Variants in CLSTN2 observed in about 807,000 individuals in gnomAD.
The protein encoded by CLSTN2 is calsyntenin-2.
A neutral mutation model predicts 101.2 loss-of-function variants in CLSTN2; 48 were observed. The observed-to-expected ratio is 0.47, with a 90% CI of 0.38 to 0.60. The LOEUF (loss-of-function observed/expected upper bound fraction) is 0.60. Ranked by LOEUF, CLSTN2 falls within the 20% of genes least tolerant of loss-of-function variation. The probability of loss-of-function intolerance (pLI) is 0.00; values close to 1 mark genes in which losing one functional copy is unlikely to be tolerated. For missense variants in CLSTN2, 1,160 were observed against 1,238.2 expected (o/e 0.94, Z 0.95); for synonymous variants, 481 against 463.6 (o/e 1.04, Z -0.48).
In CLSTN2 at chr3:140,564,228, C is replaced by T. The variant is rs970553733; in HGVS notation, c.2667+83C>T. The T allele has an allele frequency of 5.6e-6, 7 of 1,259,978 alleles. No individual in the cohort carries two copies. In the African/African-American group the frequency reaches 8.8e-5, roughly 16 times the overall value. 78.0% of individuals were successfully genotyped at this position (1,259,978 alleles called of 1,614,324 possible). A position where few individuals can be genotyped will look rare whatever the true frequency, so the allele number is the denominator to read the frequency against. ...CAACCCTTCCTATGCCTAAAGCAGC[C>T]CCATACCCCCTCCTTCTGGAAGCCC... On this transcript the variant is annotated intron_variant, in intron 16 of 16. Coordinates refer to ENST00000458420, the MANE Select transcript of CLSTN2 (RefSeq NM_022131.3).
At chr3:140,252,125 G>A (rs1446151454) in intron 2 of CLSTN2, among the ~76,000 whole-genome samples, 1 of 152,214 alleles carries the variant, frequency 6.6e-6, no homozygotes, top group Non-Finnish European at 1.5e-5. Flanking sequence ...GGAAACAAAA[G>A]TGAGGGGAGC....
At chr3:140,121,181 G>A (rs1046251076) in intron 1 of CLSTN2, among the ~76,000 whole-genome samples, 16 of 152,174 alleles carry the variant, frequency 1.1e-4, no homozygotes, top group Non-Finnish European at 2.1e-4. Flanking sequence ...TGATGAAAAG[G>A]TTACAGGAAC....
At chr3:140,138,937 T>C (rs1209314413) in intron 1 of CLSTN2, among the ~76,000 whole-genome samples, 1 of 152,232 alleles carries the variant, frequency 6.6e-6, no homozygotes, top group Non-Finnish European at 1.5e-5. Context: ...GAATATGGTA[T>C]TTAGAACAGA....
Position 140,576,021 on chromosome 3 carries a change from T to C in CLSTN2, c.*9768T>C, listed in dbSNP as rs1985721521. ...TGCTTGGCACATAGTAGGAGTTTGG[T>C]AAACATTTGGAAATTGAAGACCCAG... On this transcript the variant is annotated 3_prime_UTR_variant, in exon 17 of 17. Coordinates refer to ENST00000458420, the MANE Select transcript of CLSTN2 (RefSeq NM_022131.3). The C allele has an allele frequency of 6.6e-6, 1 of 152,120 alleles. No homozygotes were observed. Among genetic ancestry groups the C allele is most frequent in the African/African-American group, 2.4e-5 (1 of 41,408 alleles). 9.4% of individuals were successfully genotyped at this position (152,120 alleles called of 1,614,324 possible).
At chr3:140,295,761 A>G (rs2107906457) in intron 2 of CLSTN2, among the ~76,000 whole-genome samples, 1 of 152,336 alleles carries the variant, frequency 6.6e-6, no homozygotes, top group South Asian at 2.1e-4. Flanking sequence ...GTACTGGAGA[A>G]GGAGGAGTCA....
Position 140,540,726 on chromosome 3 carries a change from C to T in CLSTN2, c.1508-5789C>T, listed in dbSNP as rs905676196. Among the ~76,000 whole-genome samples, 6 of 152,308 alleles carry T rather than the reference C, an allele frequency of 3.9e-5. No individual in the cohort carries two copies. In the East Asian group the frequency reaches 9.6e-4, roughly 24 times the overall value. On this transcript the variant is annotated intron_variant, in intron 9 of 16. Coordinates refer to ENST00000458420, the MANE Select transcript of CLSTN2 (RefSeq NM_022131.3). Reference sequence around the variant, plus strand: ...CTGGAAAGACCAGCAGCATCCTGAACACACTTTGCACAGGAAGAGACTTAG... The same window carrying T: ...CTGGAAAGACCAGCAGCATCCTGAATACACTTTGCACAGGAAGAGACTTAG...
At chr3:140,352,953 A>G (rs1001862048) in intron 2 of CLSTN2, among the ~76,000 whole-genome samples, 1 of 152,160 alleles carries the variant, frequency 6.6e-6, no homozygotes, top group Non-Finnish European at 1.5e-5. Context: ...AAATATTTGG[A>G]AAAAAATTAT....
chr3:140,142,737 A>G (rs2009720388), intron 1 of CLSTN2, among the ~76,000 whole-genome samples: 1 of 152,218 alleles, frequency 6.6e-6, no homozygotes, highest in South Asian at 2.1e-4. Flanking sequence ...AACCCAGAGA[A>G]GAAGGAGGTG....
chr3:140,459,560 G>A lies in CLSTN2; in HGVS notation c.1013G>A (p.Ser338Asn), dbSNP rs765281796. The change falls in exon 7 of 17, where the codon AGC becomes AAC. Residue 338 changes from serine to asparagine, a missense_variant. Transcript: ENST00000458420. ...SGIIDLLPSP[S>N]AATNWTAGLL... ...ATCATTGACCTCTTGCCATCCCCTAGCGCTGCCACCAACTGGACTGCAGGA... is the reference window on the plus strand; with the variant it reads ...ATCATTGACCTCTTGCCATCCCCTAACGCTGCCACCAACTGGACTGCAGGA... 13 of 1,613,962 alleles carry A rather than the reference G, an allele frequency of 8.1e-6. No individual in the cohort carries two copies. The African/African-American group carries it at 1.6e-4, about 20-fold the overall frequency.
At chr3:140,220,792 G>A (rs1226146185) in intron 2 of CLSTN2, among the ~76,000 whole-genome samples, 1 of 152,234 alleles carries the variant, frequency 6.6e-6, no homozygotes, top group African/African-American at 2.4e-5. Context: ...TTGTGATGGG[G>A]ACAGGGCAGT....
At chr3:140,028,979 A>G (rs2007489805) in intron 1 of CLSTN2, among the ~76,000 whole-genome samples, 1 of 152,188 alleles carries the variant, frequency 6.6e-6, no homozygotes, top group Non-Finnish European at 1.5e-5. Flanking sequence ...TGCAAAGTGA[A>G]TGGTGAAGGT....
intron 2 of CLSTN2, among the ~76,000 whole-genome samples, chr3:140,237,621 C>T (rs576124079): frequency 6.6e-6 from 1 of 152,310 alleles, no homozygotes; most frequent in Non-Finnish European, 1.5e-5. Context: ...GGTACTGCAG[C>T]CTGGAAAATC....
chr3:140,557,618 A>G (rs1935825243), intron 11 of CLSTN2, among the ~76,000 whole-genome samples: 1 of 152,152 alleles, frequency 6.6e-6, no homozygotes, highest in Non-Finnish European at 1.5e-5. Flanking sequence ...GGAGGCCACC[A>G]CAGCTCCCAC....
intron 2 of CLSTN2, among the ~76,000 whole-genome samples, chr3:140,239,949 C>G (rs1189623419): frequency 1.3e-5 from 2 of 148,374 alleles, no homozygotes; most frequent in Non-Finnish European, 3.0e-5. Context: ...ATATATATAA[C>G]TAAAATAGAC....
At chr3:140,464,819 A>C (rs1933647692) in intron 7 of CLSTN2, among the ~76,000 whole-genome samples, 1 of 152,198 alleles carries the variant, frequency 6.6e-6, no homozygotes, top group Admixed American at 6.5e-5. Flanking sequence ...TGTTTTGCCA[A>C]TCCAGACGCT....
chr3:140,488,840 G>C (rs1934288353), intron 8 of CLSTN2, among the ~76,000 whole-genome samples: 1 of 151,642 alleles, frequency 6.6e-6, no homozygotes, highest in South Asian at 2.1e-4. Context: ...TTCTGAGTTG[G>C]GGCAAAAATG....
rs73868721 is a variant in CLSTN2, at chr3:140,118,136, G to C, written c.110-57815G>C. ...GGACAGACACAGGAAGACCATATAGGGTCACGGTGGTCTGCAAACAGCCAT... is the reference window on the plus strand; with the variant it reads ...GGACAGACACAGGAAGACCATATAGCGTCACGGTGGTCTGCAAACAGCCAT... On this transcript the variant is annotated intron_variant, in intron 1 of 16. Transcript: ENST00000458420. Among the ~76,000 whole-genome samples, 520 of 152,132 alleles carry C rather than the reference G, an allele frequency of 3.4e-3. 5 individuals are homozygous for C. Among genetic ancestry groups the C allele is most frequent in the African/African-American group, 0.012 (506 of 41,506 alleles).
chr3:140,309,955 C>T (rs1436649989), intron 2 of CLSTN2, among the ~76,000 whole-genome samples: 2 of 152,154 alleles, frequency 1.3e-5, no homozygotes, highest in African/African-American at 2.4e-5. Flanking sequence ...CTCACCGTGG[C>T]GGCTTGTTCC....
chr3:140,289,077 C>T (rs922566), intron 2 of CLSTN2, among the ~76,000 whole-genome samples: 33,785 of 152,124 alleles, frequency 0.22, 4,056 homozygotes, highest in East Asian at 0.57. Flanking sequence ...GTTATTCACA[C>T]AGAGTAAGGT....
Sources: allele counts gnomAD v4.1 joint callset (sites outside exome capture counted in the v4.1 genomes callset), GRCh38; gene constraint gnomAD v4.1.1; transcripts MANE v1.5; gene names NCBI Gene and HGNC (gene_info 2026-07-23, HGNC 2026-07-21).